The following TSPAN4 variants were observed in gnomAD, a reference collection of about 807,000 sequenced individuals.
The protein encoded by TSPAN4 is tetraspanin-4.
TSPAN4 carries 38 observed loss-of-function variants against 31.5 expected under a neutral mutation model. The ratio of observed to expected loss-of-function variants is 1.21; its 90% CI spans 0.93 to 1.58. TSPAN4 has a LOEUF of 1.58. Among genes scored for constraint, TSPAN4 ranks in the 40% most tolerant of loss-of-function variants. The pLI is 0.00. For synonymous variants in TSPAN4, 186 were observed against 144.6 expected (o/e 1.29, Z -2.06); for missense variants, 330 against 317.3 (o/e 1.04, Z -0.30).
Position 862,720 on chromosome 11 carries a change from G to A in TSPAN4, c.234G>A (p.Glu78=), listed in dbSNP as rs542059950. Residue 78 remains glutamate, a synonymous_variant, in exon 4 of 9, where the codon GAG becomes GAA. Transcript: ENST00000397397. ...TGGGCTGCCTGGGTGCCATCAAGGA[G>A]AACAAGTGCCTCCTGCTCACTGTGA... ...GFVGCLGAIK[E]NKCLLLTFFL... is the part of the protein sequence containing the mutation. 1 of 1,611,508 alleles carries A rather than the reference G, an allele frequency of 6.2e-7. No individual in the cohort carries two copies. The highest frequency in any genetic ancestry group is 2.2e-5 in the East Asian group (1 of 44,866).
At chr11:849,635 G>C (rs1334925301) in intron 2 of TSPAN4, among the ~76,000 whole-genome samples, 1 of 152,106 alleles carries the variant, frequency 6.6e-6, no homozygotes, top group East Asian at 1.9e-4. Flanking sequence ...CGAAGGTGGG[G>C]GGGCTGGGGC....
Position 862,533 on chromosome 11 carries a change from C to A in TSPAN4, c.64-17C>A, listed in dbSNP as rs115225484. 5.1e-4 allele frequency: 820 copies of A among 1,593,478 alleles called. 5 individuals carry two copies. The African/African-American group carries it at 9.8e-3, about 19-fold the overall frequency. ...GGGCCTCACCCTGTCTGTGTCTCTC[C>A]TGTTGCTGTGCCCCAGCTGGGAGGC... is the stretch of plus-strand genomic sequence containing the variant. On this transcript the variant is annotated splice_polypyrimidine_tract_variant and intron_variant, in intron 3 of 8. Transcript: ENST00000397397.
rs1386119992 is a variant in TSPAN4, at chr11:848,587, C to T, written c.-18+1287C>T. Among the ~76,000 whole-genome samples the T allele has an allele frequency of 2.0e-5, 3 of 152,176 alleles. No homozygotes were observed. The highest frequency in any genetic ancestry group is 7.2e-5 in the African/African-American group (3 of 41,448). On this transcript the variant is annotated intron_variant, in intron 2 of 8. Transcript: ENST00000397397. This position sits in a 1 kb window ranked among gnomAD's most constrained non-coding sequence, Gnocchi z 5.7. ...CGGCAGCCCTCCCCAGACCTGCCACCTCCCACATCAGTCACTCCAGGAGGA... is the reference window on the plus strand; with the variant it reads ...CGGCAGCCCTCCCCAGACCTGCCACTTCCCACATCAGTCACTCCAGGAGGA...
intron 2 of TSPAN4, chr11:849,816 C>CGGGGTCG (rs1362168921): frequency 1.6e-5 from 2 of 127,290 alleles, no homozygotes; most frequent in African/African-American, 5.6e-5. Context: ...GCGGGGCGCG[C>CGGGGTCG]GGGGTCGGGG....
intron 3 of TSPAN4, 161 bp from the exon 4 acceptor site, chr11:862,389 A>C (rs1589790817): frequency 1.6e-6 from 1 of 628,122 alleles, no homozygotes; most frequent in South Asian, 2.1e-5. Flanking sequence ...TGCCCTGGAC[A>C]CCCCCCCGGG....
intron 4 of TSPAN4, 94 bp downstream of exon 4, chr11:862,835 GACGTGGGCACC>G (rs1416207985): frequency 2.6e-5 from 34 of 1,332,726 alleles, no homozygotes; most frequent in Non-Finnish European, 3.3e-5. Flanking sequence ...TGACCCCCCA[GACGTGGGCACC>G]ACCTCTGGGG....
intron 3 of TSPAN4, among the ~76,000 whole-genome samples, chr11:852,678 C>T (rs1454152957): frequency 3.3e-5 from 5 of 152,354 alleles, no homozygotes; most frequent in South Asian, 2.1e-4. Flanking sequence ...TCAGGCCTAG[C>T]GCTCCCCTTC....
chr11:865,846 G>C (rs1174351179), intron 7 of TSPAN4, 21 bp downstream of exon 7: 2 of 1,612,132 alleles, frequency 1.2e-6, no homozygotes, highest in African/African-American at 1.3e-5. Flanking sequence ...CCCCCACCCT[G>C]GGGGCTGGTA....
chr11:850,204 A>C, intron 2 of TSPAN4, 84 bp from the exon 3 acceptor site: 4 of 1,167,978 alleles, frequency 3.4e-6, no homozygotes, highest in Middle Eastern at 3.9e-4. Context: ...CCCGGCCCCA[A>C]GGCGGCCCAG....
chr11:845,042 CTG>C (rs559483315), intron 1 of TSPAN4, among the ~76,000 whole-genome samples: 97 of 152,330 alleles, frequency 6.4e-4, no homozygotes, highest in Admixed American at 2.2e-3. Flanking sequence ...GTTTCCCTGT[CTG>C]TAAAGCTCAG....
At chr11:860,238 C>T (rs923761296) in intron 3 of TSPAN4, among the ~76,000 whole-genome samples, 7 of 152,202 alleles carry the variant, frequency 4.6e-5, no homozygotes, top group African/African-American at 1.7e-4. Flanking sequence ...TGGGGGGAAT[C>T]TGCTCTGAGG....
chr11:855,315 G>T (rs975823700), intron 3 of TSPAN4, among the ~76,000 whole-genome samples: 1 of 152,208 alleles, frequency 6.6e-6, no homozygotes, highest in African/African-American at 2.4e-5. Context: ...GGGGACCTGG[G>T]CTTCCAGCCG....
chr11:861,034 A>C (rs1416566346), intron 3 of TSPAN4, among the ~76,000 whole-genome samples: 1 of 152,164 alleles, frequency 6.6e-6, no homozygotes, highest in African/African-American at 2.4e-5. Flanking sequence ...TCTCATCCTG[A>C]AACGGCCCAA....
At chr11:850,905 C>T (rs986517576) in intron 3 of TSPAN4, among the ~76,000 whole-genome samples, 1 of 152,282 alleles carries the variant, frequency 6.6e-6, no homozygotes, top group African/African-American at 2.4e-5. Flanking sequence ...GGAGGCGCTG[C>T]GGAAGGGAAT....
At chr11:865,462 G>T (rs762167644) in intron 5 of TSPAN4, 51 bp from the exon 6 acceptor site, 2 of 1,482,644 alleles carry the variant, frequency 1.3e-6, no homozygotes, top group Non-Finnish European at 1.9e-6. Flanking sequence ...TCTGGATGAG[G>T]GAGGCGGGGT....
chr11:855,182 A>AGGCCG (rs1320258818), intron 3 of TSPAN4, among the ~76,000 whole-genome samples: 1 of 152,128 alleles, frequency 6.6e-6, no homozygotes, highest in Non-Finnish European at 1.5e-5. Flanking sequence ...CAGGGCAGGC[A>AGGCCG]GGCCGGGCCT....
intron 3 of TSPAN4, among the ~76,000 whole-genome samples, chr11:851,120 C>T (rs1457753747): frequency 6.6e-6 from 1 of 152,216 alleles, no homozygotes; most frequent in Non-Finnish European, 1.5e-5. Context: ...CACCCCAGCC[C>T]CATGTCAGCA....
At chr11:855,543 C>T (rs1589772635) in intron 3 of TSPAN4, among the ~76,000 whole-genome samples, 1 of 152,180 alleles carries the variant, frequency 6.6e-6, no homozygotes, top group Admixed American at 6.5e-5. Flanking sequence ...CTGCTTTGGA[C>T]ACTGGCCTCA....
intron 5 of TSPAN4, chr11:864,763 C>T: frequency 3.5e-6 from 2 of 577,288 alleles, no homozygotes; most frequent in Non-Finnish European, 6.2e-6. Flanking sequence ...CAGGTTGTCC[C>T]CCGCCCTCTG....
Sources: allele counts gnomAD v4.1 joint callset (sites outside exome capture counted in the v4.1 genomes callset), GRCh38; gene constraint gnomAD v4.1.1; non-coding constraint Gnocchi (gnomAD v3.1); transcripts MANE v1.5; gene names NCBI Gene and HGNC (gene_info 2026-07-23, HGNC 2026-07-21).